The following STEAP1B variants were observed in gnomAD, a reference collection of about 807,000 sequenced individuals.
STEAP1B encodes the protein STEAP family protein MGC87042.
In STEAP1B, 13 loss-of-function variants were observed where a neutral mutation model predicts 27.9. The observed-to-expected ratio is 0.47, with a 90% CI of 0.30 to 0.74. The LOEUF (loss-of-function observed/expected upper bound fraction) is 0.74, where lower values mean the gene tolerates loss of function less well. Among genes scored for constraint, STEAP1B ranks in the 30% least tolerant of loss-of-function variants. The pLI, the probability that STEAP1B is intolerant of heterozygous loss-of-function variation, is 0.06. For synonymous variants in STEAP1B, 86 were observed against 107.1 expected (o/e 0.80, Z 1.22); for missense variants, 250 against 298.7 (o/e 0.84, Z 1.20).
chr7:22,420,730 T>C (rs1785033707), intron 4 of STEAP1B, among the ~76,000 whole-genome samples: 1 of 152,252 alleles, frequency 6.6e-6, no homozygotes, highest in African/African-American at 2.4e-5. Context: ...CTCAACCCTT[T>C]TTAAAGTTCT....
chr7:22,429,232 T>C (rs916585416), intron 4 of STEAP1B, among the ~76,000 whole-genome samples: 6 of 152,130 alleles, frequency 3.9e-5, no homozygotes, highest in Non-Finnish European at 8.8e-5. Context: ...TACAGGAGTA[T>C]ACAAAGAGAC....
Position 22,427,006 on chromosome 7 carries a change from G to A in STEAP1B, c.763-7170C>T, listed in dbSNP as rs537755335. Among the ~76,000 whole-genome samples the A allele has an allele frequency of 1.8e-4, 28 of 152,268 alleles. No homozygotes were observed. In the South Asian group the frequency reaches 4.8e-3, roughly 26 times the overall value. ...TGATCCATGCAGGTGTTGAGGGGAC[G>A]TCAAGTACAAACACCCCTACACCAG... is the stretch of plus-strand genomic sequence containing the variant. On this transcript the variant is annotated intron_variant, in intron 4 of 4. Transcript: ENST00000678116.
At chr7:22,454,866 T>TAAATATATATATGTATATATA (rs58504014) in intron 4 of STEAP1B, among the ~76,000 whole-genome samples, 1 of 57,150 alleles carries the variant, frequency 1.7e-5, no homozygotes, top group African/African-American at 7.0e-5. Context: ...TATATATATA[T>TAAATATATATATGTATATATA]TTTTTTTTTT....
At chr7:22,479,765 G>C (rs952465352) in intron 4 of STEAP1B, among the ~76,000 whole-genome samples, 20 of 143,432 alleles carry the variant, frequency 1.4e-4, no homozygotes, top group African/African-American at 5.2e-4. Flanking sequence ...GCCCAGTGCA[G>C]CCTCCACCTC....
intron 4 of STEAP1B, among the ~76,000 whole-genome samples, chr7:22,485,057 G>C (rs532618020): frequency 1.3e-5 from 2 of 152,364 alleles, no homozygotes; most frequent in East Asian, 3.9e-4. Context: ...TCCTGGAGAA[G>C]ACGCTGTGAA....
intron 4 of STEAP1B, among the ~76,000 whole-genome samples, chr7:22,482,156 A>G (rs1393978340): frequency 6.6e-6 from 1 of 152,136 alleles, no homozygotes; most frequent in Admixed American, 6.5e-5. Flanking sequence ...AAGGGGACTG[A>G]GTGGCTCGAA....
intron 4 of STEAP1B, among the ~76,000 whole-genome samples, chr7:22,427,314 A>G (rs1785121533): frequency 6.6e-6 from 1 of 152,220 alleles, no homozygotes; most frequent in African/African-American, 2.4e-5. Context: ...TTTATGACTG[A>G]CACAACTTGA....
Position 22,493,801 on chromosome 7 carries a change from T to G in STEAP1B, c.120A>C (p.Arg40Ser). 6.2e-7 allele frequency: 1 copy of G among 1,612,938 alleles called. No individual in the cohort carries two copies. The highest frequency in any genetic ancestry group is 8.5e-7 in the Non-Finnish European group (1 of 1,179,496). ...EDTGETSMLK[R>S]PVLLHLQQTA... is the part of the protein sequence containing the mutation. ...TTTGCTGCAAATGCAAAAGCACAGG[T>G]CTTTTTAGCATGCTGGTCTCTCCCG... The change falls in exon 3 of 5, where the codon AGA becomes AGC. Residue 40 changes from arginine (R) to serine (S), a missense_variant. Transcript: ENST00000678116.
At chr7:22,430,225 G>C (rs1276051950) in intron 4 of STEAP1B, among the ~76,000 whole-genome samples, 1 of 152,208 alleles carries the variant, frequency 6.6e-6, no homozygotes, top group Non-Finnish European at 1.5e-5. Flanking sequence ...TTCAACCTGT[G>C]TGACTTCTCA....
intron 4 of STEAP1B, among the ~76,000 whole-genome samples, chr7:22,467,696 C>G (rs371625970): frequency 9.2e-5 from 14 of 152,266 alleles, no homozygotes; most frequent in Non-Finnish European, 1.9e-4. Context: ...CCATGTGAGA[C>G]GTGCCTTTTA....
At chr7:22,429,098 T>C (rs1168836608) in intron 4 of STEAP1B, among the ~76,000 whole-genome samples, 2 of 152,170 alleles carry the variant, frequency 1.3e-5, no homozygotes, top group Admixed American at 6.5e-5. Context: ...ATGGACACAA[T>C]CACTTTGGTA....
chr7:22,433,049 C>T (rs1456297625), intron 4 of STEAP1B, among the ~76,000 whole-genome samples: 1 of 151,912 alleles, frequency 6.6e-6, no homozygotes, highest in Non-Finnish European at 1.5e-5. Context: ...CAGTAATCAA[C>T]TGGAAAATGA....
At chr7:22,481,569 T>C (rs1300444499) in intron 4 of STEAP1B, among the ~76,000 whole-genome samples, 1 of 152,238 alleles carries the variant, frequency 6.6e-6, no homozygotes, top group Non-Finnish European at 1.5e-5. Flanking sequence ...AGAACCTGTA[T>C]TTTAACAAGA....
rs570499704 is a variant in STEAP1B at position 22,444,313 on chromosome 7, G to C, written c.763-24477C>G. Among the ~76,000 whole-genome samples, 120 of 152,316 alleles carry C rather than the reference G, an allele frequency of 7.9e-4. 1 individual carries two copies. Among genetic ancestry groups the C allele is most frequent in the African/African-American group, 2.5e-3 (104 of 41,576 alleles). ...CAGCACTGTGCAAGGCAGCTTGAGA[G>C]GGCGTGAGCAGGATTGGTGAGGACT... On this transcript the variant is annotated intron_variant, in intron 4 of 4. Transcript: ENST00000678116.
intron 4 of STEAP1B, among the ~76,000 whole-genome samples, chr7:22,435,596 A>G (rs1310902504): frequency 1.3e-5 from 2 of 152,190 alleles, no homozygotes; most frequent in African/African-American, 4.8e-5. Context: ...CTCCACCTTA[A>G]AGAATCTTAA....
At chr7:22,453,827 A>C (rs1477272752) in intron 4 of STEAP1B, among the ~76,000 whole-genome samples, 1 of 152,154 alleles carries the variant, frequency 6.6e-6, no homozygotes, top group East Asian at 1.9e-4. Flanking sequence ...ACCCTTTTGT[A>C]TCTGGCTTCT....
chr7:22,475,077 A>G (rs1164064949), intron 4 of STEAP1B, among the ~76,000 whole-genome samples: 2 of 152,188 alleles, frequency 1.3e-5, no homozygotes, highest in Non-Finnish European at 2.9e-5. Context: ...CCAGAGAGAA[A>G]AGTAATGCAT....
chr7:22,433,028 A>G (rs1228435133), intron 4 of STEAP1B, among the ~76,000 whole-genome samples: 2 of 152,222 alleles, frequency 1.3e-5, no homozygotes, highest in African/African-American at 4.8e-5. Flanking sequence ...CTGACTGCTC[A>G]TAGGACATTT....
intron 4 of STEAP1B, among the ~76,000 whole-genome samples, chr7:22,456,972 A>ATATATATATATATATATTTTTTTTTTTT: frequency 8.8e-5 from 5 of 57,068 alleles, no homozygotes; most frequent in Admixed American, 6.1e-4. Flanking sequence ...ATATATATAT[A>ATATATATATATATATATTTTTTTTTTTT]TTTTTTTTTT....
Sources: gnomAD v4.1 joint callset for allele counts (sites outside exome capture counted in the v4.1 genomes callset) on GRCh38, gnomAD v4.1.1 for gene constraint, MANE v1.5 for transcripts, NCBI Gene and HGNC (gene_info 2026-07-23, HGNC 2026-07-21) for gene names.